The following SCN9A variants were observed in gnomAD, a reference collection of about 807,000 sequenced individuals.
SCN9A encodes sodium voltage-gated channel alpha subunit 9.
Under a neutral mutation model 187.0 loss-of-function variants are expected in SCN9A, and 131 were observed. The observed-to-expected ratio is 0.70, with a 90% CI of 0.61 to 0.81. SCN9A has a LOEUF of 0.81. Ranked by LOEUF, SCN9A falls within the 30% of genes least tolerant of loss-of-function variation. SCN9A has a pLI of 0.00. For synonymous variants in SCN9A, 809 were observed against 808.6 expected (o/e 1.00, Z -0.01); for missense variants, 2,252 against 2,396.6 (o/e 0.94, Z 1.26).
At chr2:166,349,974 CA>C (rs1331917116) in intron 1 of SCN9A, among the ~76,000 whole-genome samples, 1 of 134,510 alleles carries the variant, frequency 7.4e-6, no homozygotes, top group Non-Finnish European at 1.6e-5. Context: ...CTCCCTCTCA[CA>C]AAAAAAATAA....
intron 1 of SCN9A, among the ~76,000 whole-genome samples, chr2:166,334,852 A>T (rs1345516076): frequency 6.6e-6 from 1 of 152,192 alleles, no homozygotes; most frequent in Non-Finnish European, 1.5e-5. Context: ...CTTGTATGAT[A>T]TACAAAGTGG....
At chr2:166,213,562 CA>C (rs1694191360) in intron 24 of SCN9A, among the ~76,000 whole-genome samples, 2 of 151,090 alleles carry the variant, frequency 1.3e-5, no homozygotes, top group African/African-American at 4.9e-5. Flanking sequence ...GAAGTCCAAC[CA>C]AACATTTAAA....
intron 14 of SCN9A, among the ~76,000 whole-genome samples, chr2:166,278,517 G>A (rs891290282): frequency 6.6e-6 from 1 of 152,158 alleles, no homozygotes; most frequent in Non-Finnish European, 1.5e-5. Flanking sequence ...AGGTTGAAAA[G>A]CTCTAACTGT....
chr2:166,244,473 T>C (rs1484287355), intron 18 of SCN9A, among the ~76,000 whole-genome samples: 1 of 152,090 alleles, frequency 6.6e-6, no homozygotes, highest in African/African-American at 2.4e-5. Context: ...TAGAATTCTA[T>C]AACTTACCTT....
intron 3 of SCN9A, 43 bp downstream of exon 3, chr2:166,306,913 C>T: frequency 8.9e-7 from 1 of 1,117,934 alleles, no homozygotes; most frequent in East Asian, 2.4e-5. Flanking sequence ...GCAAAAATTA[C>T]ACCATAAAGT....
Position 166,328,625 on chromosome 2 carries a change from C to CT in SCN9A, c.-50-16820dup, listed in dbSNP as rs545103329. Among the ~76,000 whole-genome samples the CT allele has an allele frequency of 6.2e-4, 94 of 152,086 alleles. 2 individuals carry two copies. The East Asian group carries it at 0.012, about 19-fold the overall frequency. Reference sequence around the variant, plus strand: ...ACTAAAATATACACTAAAGGAAGTACTTTAGGCAGAAGGAAAAGATCTTAG... The same window carrying CT: ...ACTAAAATATACACTAAAGGAAGTACTTTTAGGCAGAAGGAAAAGATCTTAG... On this transcript the variant is annotated intron_variant, in intron 1 of 26. Coordinates refer to ENST00000642356, the MANE Select transcript of SCN9A (RefSeq NM_001365536.1).
At chr2:166,372,234 T>G (rs10930218) in intron 1 of SCN9A, among the ~76,000 whole-genome samples, 35,433 of 152,092 alleles carry the variant, frequency 0.23, 5,237 homozygotes, top group Non-Finnish European at 0.33. Context: ...ATTGCCTCTC[T>G]GAACCTTCCT....
At chr2:166,314,569 A>G (rs533405417) in intron 1 of SCN9A, among the ~76,000 whole-genome samples, 19 of 152,198 alleles carry the variant, frequency 1.2e-4, no homozygotes, top group Non-Finnish European at 2.6e-4. Context: ...ATTACTCACC[A>G]ATGAATAAAT....
chr2:166,219,271 T>C lies in SCN9A; in HGVS notation c.4398+7296A>G, dbSNP rs138050401. 4.5e-4 allele frequency among the ~76,000 whole-genome samples: 68 copies of C among 152,314 alleles called. 2 individuals are homozygous for C. In the East Asian group the frequency reaches 0.012, roughly 26 times the overall value. Reference sequence around the variant, plus strand: ...TATTATAAAGACACATGCACACATATGTTTATTGGAGCACTATTCACAATG... The same window carrying C: ...TATTATAAAGACACATGCACACATACGTTTATTGGAGCACTATTCACAATG... On this transcript the variant is annotated intron_variant, in intron 24 of 26. Coordinates refer to ENST00000642356, the MANE Select transcript of SCN9A (RefSeq NM_001365536.1).
intron 1 of SCN9A, among the ~76,000 whole-genome samples, chr2:166,342,746 TA>T (rs1182328829): frequency 6.6e-6 from 1 of 152,226 alleles, no homozygotes; most frequent in Non-Finnish European, 1.5e-5. Flanking sequence ...ATTTTATCAT[TA>T]TTTTTTAAAT....
In SCN9A at chr2:166,229,051, A is replaced by T. The variant is rs1694972474; in HGVS notation, c.3925-79T>A. On this transcript the variant is annotated intron_variant, in intron 21 of 26. Coordinates refer to ENST00000642356, the MANE Select transcript of SCN9A (RefSeq NM_001365536.1). ...GCAACATGAAAGAAATGCCATGCAG[A>T]CATAAATAAATTAGAAAAGCCGCCC... 3.4e-6 allele frequency: 4 copies of T among 1,175,720 alleles called. No individual in the cohort carries two copies. In the East Asian group the frequency reaches 9.4e-5, roughly 28 times the overall value. The allele number at this position is 1,175,720 out of a possible 1,614,324, so 72.8% of individuals were successfully genotyped here. A position where few individuals can be genotyped will look rare whatever the true frequency, so the allele number is the denominator to read the frequency against.
At chr2:166,360,663 T>C (rs2105314535) in intron 1 of SCN9A, among the ~76,000 whole-genome samples, 1 of 152,332 alleles carries the variant, frequency 6.6e-6, no homozygotes, top group Admixed American at 6.5e-5. Context: ...TCTGCAGCAT[T>C]ATGCAAATTC....
rs572623538 is a variant in SCN9A at position 166,199,801 on chromosome 2, C to T, written c.4838G>A (p.Arg1613His). The T allele has an allele frequency of 2.5e-6, 4 of 1,613,878 alleles. No individual in the cohort carries two copies. The highest frequency in any genetic ancestry group is 3.4e-6 in the Non-Finnish European group (4 of 1,179,988). ...FVSPTLFRVI[R>H]LARIGRILRL... ...TAGGATTCGGCCAATCCTGGCAAGA[C>T]GGATCACTCGGAACAGGGTAGGGGA... Residue 1613 changes from arginine to histidine, a missense_variant, in exon 27 of 27, where the codon CGT becomes CAT. Physicochemically the swap from Arg to His is conservative, Grantham distance 29. Around this residue, in one of 7 missense-constraint regions of SCN9A, gnomAD observed 84 missense variants for 134.2 expected, o/e 0.63. Transcript: ENST00000642356.
chr2:166,344,832 C>T (rs1300530372), intron 1 of SCN9A, among the ~76,000 whole-genome samples: 1 of 152,024 alleles, frequency 6.6e-6, no homozygotes, highest in African/African-American at 2.4e-5. Flanking sequence ...ATGAGAAAAC[C>T]CAAAATATGT....
intron 22 of SCN9A, among the ~76,000 whole-genome samples, chr2:166,228,336 A>G (rs1694931062): frequency 7.1e-6 from 1 of 141,746 alleles, no homozygotes; most frequent in African/African-American, 2.6e-5. Flanking sequence ...GGCCCACTGC[A>G]ACCTCCGCCT....
intron 26 of SCN9A, among the ~76,000 whole-genome samples, chr2:166,203,624 TTTCAGATTCAACA>T (rs1426773129): frequency 6.6e-6 from 1 of 151,936 alleles, no homozygotes; most frequent in Non-Finnish European, 1.5e-5. Context: ...CCAGAAGTTA[TTTCAGATTCAACA>T]TTGGTTTTCC....
chr2:166,338,929 C>G (rs146234445), intron 1 of SCN9A, among the ~76,000 whole-genome samples: 1 of 149,798 alleles, frequency 6.7e-6, no homozygotes, highest in East Asian at 2.0e-4. Context: ...CTGTTACTCC[C>G]CAGGCCAGTA....
In SCN9A at chr2:166,303,126, T is replaced by C. The variant is rs2106522168; in HGVS notation, c.865A>G (p.Ile289Val). 6.2e-7 allele frequency: 1 copy of C among 1,608,828 alleles called. No homozygotes were observed. Among genetic ancestry groups the C allele is most frequent in the Non-Finnish European group, 8.5e-7 (1 of 1,176,680 alleles). Residue 289 changes from isoleucine (I) to valine (V), a missense_variant, in exon 7 of 27, where the codon ATA (isoleucine) becomes GTA (valine). Ile to Val is a conservative substitution (Grantham distance 29). This residue lies in a region of SCN9A where 1,013 missense variants were observed against 997.4 expected (regional missense o/e 1.02). Transcript: ENST00000642356. ...SLENNETLES[I>V]MNTLESEEDF... ...TCTTCACTCTCTAGGGTATTCATTA[T>C]GCTTTCTAATGTTTCATTATTTTCA...
At chr2:166,242,729 A>C (rs1282153974) in intron 18 of SCN9A, 73 bp from the exon 19 acceptor site, 1 of 1,175,110 alleles carries the variant, frequency 8.5e-7, no homozygotes, top group Non-Finnish European at 1.2e-6. Context: ...TATTTAATGC[A>C]AACTGCTTTC....
Sources: allele counts gnomAD v4.1 joint callset (sites outside exome capture counted in the v4.1 genomes callset), GRCh38; gene constraint gnomAD v4.1.1; regional missense constraint gnomAD v4.1.1; transcripts MANE v1.5; gene names NCBI Gene and HGNC (gene_info 2026-07-23, HGNC 2026-07-21).